TENM4: variants seen among roughly 807,000 people sequenced by gnomAD.
The protein encoded by TENM4 is teneurin-4.
Under a neutral mutation model 243.3 loss-of-function variants are expected in TENM4, and 82 were observed. The observed-to-expected ratio is 0.34, with a 90% CI of 0.28 to 0.40. TENM4 has a LOEUF of 0.40. TENM4 is among the 10% of genes least tolerant of loss of function. TENM4 has a pLI of 1.00. For synonymous variants in TENM4, 1,412 were observed against 1,456.3 expected, an observed-to-expected ratio of 0.97 and a Z score of 0.69; for missense variants, 3,138 against 3,673.3, an observed-to-expected ratio of 0.85 and a Z score of 3.77.
chr11:78,958,368 G>A (rs1044988667), intron 6 of TENM4, among the ~76,000 whole-genome samples: 2 of 152,202 alleles, frequency 1.3e-5, no homozygotes, highest in Non-Finnish European at 2.9e-5. Flanking sequence ...AAGTTTCTAT[G>A]GGGTAGGGAC....
rs1343012505 is a variant in TENM4, at chr11:78,720,992, CATG to C, written c.3801-605_3801-603del. ...TATATCTCCCTTCTTCACCCACTGT[CATG>C]ATCTCCCCAACAACTGTGGGAGGGA... is the stretch of plus-strand genomic sequence containing the variant. On this transcript the variant is annotated intron_variant, in intron 24 of 33. Coordinates refer to ENST00000278550, the MANE Select transcript of TENM4 (RefSeq NM_001098816.3). Among the ~76,000 whole-genome samples, 6 of 152,314 alleles carry C rather than the reference CATG, an allele frequency of 3.9e-5. No individual in the cohort carries two copies. In the East Asian group the frequency reaches 1.2e-3, roughly 29 times the overall value.
chr11:79,388,575 G>A (rs1343081117), intron 1 of TENM4, among the ~76,000 whole-genome samples: 4 of 152,088 alleles, frequency 2.6e-5, no homozygotes, highest in Non-Finnish European at 4.4e-5. Context: ...GTAAGAGTGG[G>A]GCCTCGTGCA....
chr11:79,283,569 A>T (rs1480725446), intron 2 of TENM4, among the ~76,000 whole-genome samples: 2 of 152,198 alleles, frequency 1.3e-5, no homozygotes, highest in African/African-American at 4.8e-5. Flanking sequence ...ACTTAACTTG[A>T]TAGAGGTCAT....
chr11:79,140,281 C>A (rs1030328243), intron 4 of TENM4, among the ~76,000 whole-genome samples: 4 of 152,048 alleles, frequency 2.6e-5, no homozygotes, highest in African/African-American at 4.8e-5. Flanking sequence ...AGATTTGAAA[C>A]CTTCTTTGAA....
At chr11:78,838,813 A>G (rs1026666371) in intron 12 of TENM4, among the ~76,000 whole-genome samples, 2 of 152,160 alleles carry the variant, frequency 1.3e-5, no homozygotes, top group Non-Finnish European at 2.9e-5. Context: ...GGGTCATCCA[A>G]TGTTAAATAG....
chr11:79,178,744 C>G (rs889921097), intron 3 of TENM4, among the ~76,000 whole-genome samples: 6 of 152,284 alleles, frequency 3.9e-5, no homozygotes, highest in East Asian at 1.9e-4. Context: ...CTGTCTCCCC[C>G]ACACCCACCC....
Position 79,053,681 on chromosome 11 carries a change from G to A in TENM4, c.493+11057C>T, listed in dbSNP as rs1859862045. On this transcript the variant is annotated intron_variant, in intron 6 of 33. Coordinates refer to ENST00000278550, the MANE Select transcript of TENM4 (RefSeq NM_001098816.3). ...CCCACCATCAGAGGAAGCCAGGCTT[G>A]TCACTTTGGGGAGAGTTTTGGGAAG... 2.0e-5 allele frequency among the ~76,000 whole-genome samples: 3 copies of A among 152,328 alleles called. No homozygotes were observed. In the South Asian group the frequency reaches 6.2e-4, roughly 32 times the overall value.
chr11:78,882,487 G>T (rs1015461042), intron 9 of TENM4, among the ~76,000 whole-genome samples: 11 of 152,200 alleles, frequency 7.2e-5, no homozygotes, highest in African/African-American at 2.7e-4. Context: ...TTGTGCTAGG[G>T]ATTGAGTATG....
chr11:78,670,105 A>T lies in TENM4; in HGVS notation c.6240T>A (p.Arg2080=), dbSNP rs1858282128. The T allele has an allele frequency of 1.2e-6, 2 of 1,613,954 alleles. No homozygotes were observed. The highest frequency in any genetic ancestry group is 2.2e-5 in the East Asian group (1 of 44,884). Residue 2080 remains arginine (R), a synonymous_variant, in exon 32 of 34, where the codon CGT becomes CGA. Coordinates refer to ENST00000278550, the MANE Select transcript of TENM4 (RefSeq NM_001098816.3). ...AGCTGTTGTCATAGTTGTAGTCAAA[A>T]CGGGCGTTGACCATGCCTTCCTCAG... ...RFTEEGMVNA[R]FDYNYDNSFR...
chr11:79,404,673 C>A lies in TENM4; in HGVS notation c.-321+35836G>T, dbSNP rs545906132. 7.5e-4 allele frequency among the ~76,000 whole-genome samples: 114 copies of A among 152,198 alleles called. 3 individuals are homozygous for A. In the South Asian group the frequency reaches 0.023, roughly 31 times the overall value. On this transcript the variant is annotated intron_variant, in intron 1 of 33. Transcript: ENST00000278550. ...TAAAAAGAATGTTGCGTGTGCTGAG[C>A]AAGGAGTCTGACAGATAAAAGATGC...
chr11:78,977,028 A>G (rs7948033), intron 6 of TENM4, among the ~76,000 whole-genome samples: 4,880 of 152,292 alleles, frequency 0.032, 224 homozygotes, highest in African/African-American at 0.098. Flanking sequence ...GGAGGGCAGA[A>G]GTCTGAAATA....
At chr11:79,326,254 C>T (rs1041955951) in intron 1 of TENM4, among the ~76,000 whole-genome samples, 1 of 152,310 alleles carries the variant, frequency 6.6e-6, no homozygotes, top group East Asian at 1.9e-4. Flanking sequence ...AAGTCCCTAA[C>T]CCCCTTTCCC....
intron 1 of TENM4, among the ~76,000 whole-genome samples, chr11:79,304,679 A>G (rs1205505126): frequency 1.3e-5 from 2 of 152,192 alleles, no homozygotes; most frequent in Non-Finnish European, 2.9e-5. Flanking sequence ...CTCAGCCTCA[A>G]CAACCTACCA....
At chr11:79,400,557 G>A (rs1281624471) in intron 1 of TENM4, among the ~76,000 whole-genome samples, 1 of 152,146 alleles carries the variant, frequency 6.6e-6, no homozygotes, top group African/African-American at 2.4e-5. Flanking sequence ...AACTTCAGAA[G>A]AGGGATGCAG....
chr11:79,156,815 C>T (rs946579076), intron 3 of TENM4, among the ~76,000 whole-genome samples: 7 of 152,170 alleles, frequency 4.6e-5, no homozygotes, highest in Non-Finnish European at 1.0e-4. Flanking sequence ...CTGCCTTGCT[C>T]CAAAAATAAT....
At chr11:79,427,354 T>C (rs917427651) in intron 1 of TENM4, among the ~76,000 whole-genome samples, 2 of 152,084 alleles carry the variant, frequency 1.3e-5, no homozygotes, top group African/African-American at 4.8e-5. Flanking sequence ...TGGTGAGAAA[T>C]GGAATACAAC....
intron 3 of TENM4, among the ~76,000 whole-genome samples, chr11:79,162,602 C>A (rs923858044): frequency 6.6e-6 from 1 of 152,050 alleles, no homozygotes; most frequent in Non-Finnish European, 1.5e-5. Context: ...ATTTAATTTT[C>A]TTTAGCCTGA....
chr11:79,347,841 G>A (rs1016606282), intron 1 of TENM4, among the ~76,000 whole-genome samples: 2 of 132,410 alleles, frequency 1.5e-5, no homozygotes, highest in African/African-American at 2.9e-5. Flanking sequence ...CTGCAGTGGC[G>A]CAATCTCGGC....
chr11:78,953,640 AC>A (rs1857150644), intron 6 of TENM4, among the ~76,000 whole-genome samples: 2 of 152,226 alleles, frequency 1.3e-5, no homozygotes, highest in African/African-American at 2.4e-5. Flanking sequence ...CAATATAACA[AC>A]TATTTACATA....
Sources: allele counts gnomAD v4.1 joint callset (sites outside exome capture counted in the v4.1 genomes callset), GRCh38; gene constraint gnomAD v4.1.1; transcripts MANE v1.5; gene names NCBI Gene and HGNC (gene_info 2026-07-23, HGNC 2026-07-21).